Variants in CCDC92 observed in about 807,000 individuals in gnomAD.
CCDC92 encodes coiled-coil domain containing 92, also known as coiled-coil domain-containing protein 92.
CCDC92 carries 12 observed loss-of-function variants against 24.9 expected under a neutral mutation model. That is an observed-to-expected ratio of 0.48 (90% confidence interval 0.31 to 0.78). The LOEUF is 0.78. Ranked by LOEUF, CCDC92 falls within the 30% of genes least tolerant of loss-of-function variation. CCDC92 has a pLI of 0.05. For missense variants in CCDC92, 399 were observed against 439.4 expected (o/e 0.91, Z 0.82); for synonymous variants, 193 against 196.3 (o/e 0.98, Z 0.14).
chr12:123,962,525 CTT>C (rs899189254), intron 1 of CCDC92: 1 of 152,630 alleles, frequency 6.6e-6, no homozygotes, highest in Admixed American at 6.5e-5. Context: ...GGGTTCCTCT[CTT>C]GATACAGAAG....
chr12:123,944,249 T>TC, intron 2 of CCDC92, 23 bp downstream of exon 2: 1 of 1,489,038 alleles, frequency 6.7e-7, no homozygotes, highest in East Asian at 2.3e-5. Context: ...CATCTGATGC[T>TC]CACTCAGGGC....
intron 1 of CCDC92, among the ~76,000 whole-genome samples, chr12:123,956,960 T>C (rs1179604130): frequency 1.3e-5 from 2 of 152,238 alleles, no homozygotes; most frequent in African/African-American, 4.8e-5. Flanking sequence ...CAATCCAGTA[T>C]TTTCTTATTC....
In CCDC92 at chr12:123,937,923, G is replaced by T; in HGVS notation, c.224-93C>A. ...GGGCAGGCGGACCTGTCTGGTGGGG[G>T]CCCTGTCTAGGCTGTGGGGGCCATG... On this transcript the variant is annotated intron_variant, in intron 4 of 4. Coordinates refer to ENST00000238156, the MANE Select transcript of CCDC92 (RefSeq NM_025140.3). The surrounding 1 kb of genome is among the most constrained non-coding windows in gnomAD (Gnocchi z 8.4). 1 of 1,319,492 alleles carries T rather than the reference G, an allele frequency of 7.6e-7. No homozygotes were observed. 81.7% of individuals were successfully genotyped at this position (1,319,492 alleles called of 1,614,324 possible).
intron 1 of CCDC92, among the ~76,000 whole-genome samples, chr12:123,965,809 TG>T (rs974510224): frequency 1.3e-5 from 2 of 152,112 alleles, no homozygotes; most frequent in Non-Finnish European, 1.5e-5. Context: ...AAATCATATG[TG>T]GGTGGCATGC....
intron 1 of CCDC92, among the ~76,000 whole-genome samples, chr12:123,959,201 G>A (rs1395583684): frequency 6.6e-6 from 1 of 152,194 alleles, no homozygotes; most frequent in Non-Finnish European, 1.5e-5. Flanking sequence ...ATTAGGATGT[G>A]GGGGAAGATT....
intron 1 of CCDC92, among the ~76,000 whole-genome samples, chr12:123,952,187 T>C (rs1956043029): frequency 6.6e-6 from 1 of 152,246 alleles, no homozygotes; most frequent in African/African-American, 2.4e-5. Flanking sequence ...CATTGGTCAA[T>C]ACTTCTATAA....
In CCDC92 at chr12:123,949,232, G is replaced by A. The variant is rs998693584; in HGVS notation, c.-59-4868C>T. Among the ~76,000 whole-genome samples the A allele has an allele frequency of 3.3e-5, 5 of 152,240 alleles. No homozygotes were observed. In the East Asian group the frequency reaches 7.7e-4, roughly 23 times the overall value. The stretch of plus-strand genomic sequence containing the variant: ...GAATGGAGGGCAGCTCATCCAGCCC[G>A]TTTGGCAAAACGCTTGCACTTTCTG... On this transcript the variant is annotated intron_variant, in intron 1 of 4. Transcript: ENST00000238156.
chr12:123,961,288 C>T (rs1464399781), intron 1 of CCDC92: 1 of 152,080 alleles, frequency 6.6e-6, no homozygotes, highest in Non-Finnish European at 1.5e-5. Flanking sequence ...TGTTGCCAGA[C>T]ACATGGAGGT....
At chr12:123,953,377 C>G (rs1230152449) in intron 1 of CCDC92, among the ~76,000 whole-genome samples, 1 of 127,136 alleles carries the variant, frequency 7.9e-6, no homozygotes, top group African/African-American at 2.9e-5. Flanking sequence ...TATTTACCGA[C>G]AAGGTAATAT....
intron 1 of CCDC92, among the ~76,000 whole-genome samples, chr12:123,963,198 A>G (rs1328968085): frequency 6.6e-6 from 1 of 152,028 alleles, no homozygotes; most frequent in Admixed American, 6.6e-5. Flanking sequence ...TGGCTGAGAA[A>G]CCCCCAGGGT....
At chr12:123,957,607 A>C (rs1956176793) in intron 1 of CCDC92, among the ~76,000 whole-genome samples, 1 of 152,212 alleles carries the variant, frequency 6.6e-6, no homozygotes, top group Non-Finnish European at 1.5e-5. Flanking sequence ...AGAAGCTGAA[A>C]ATCATTAATC....
chr12:123,967,037 T>TAAG (rs1394126724), intron 1 of CCDC92, among the ~76,000 whole-genome samples: 34 of 152,238 alleles, frequency 2.2e-4, no homozygotes, highest in African/African-American at 7.9e-4. Context: ...CTGAACTGGG[T>TAAG]CCTGATACCA....
At chr12:123,970,200 G>C (rs1290323493) in intron 1 of CCDC92, 1 of 152,228 alleles carries the variant, frequency 6.6e-6, no homozygotes, top group African/African-American at 2.4e-5. Context: ...GGGAAGTACA[G>C]AAGTCCTCGA....
intron 1 of CCDC92, chr12:123,971,895 G>A (rs777302730): frequency 1.6e-5 from 2 of 127,526 alleles, no homozygotes; most frequent in Non-Finnish European, 3.7e-5. Flanking sequence ...GTGTACTTAC[G>A]GAAAGGCTAC....
intron 4 of CCDC92, among the ~76,000 whole-genome samples, chr12:123,938,446 C>T (rs556990490): frequency 1.2e-4 from 19 of 152,172 alleles, no homozygotes; most frequent in African/African-American, 4.6e-4. Context: ...TGCCCCTGCC[C>T]TAACACTTCG....
intron 1 of CCDC92, among the ~76,000 whole-genome samples, chr12:123,955,279 G>A (rs1956123473): frequency 6.6e-6 from 1 of 152,202 alleles, no homozygotes; most frequent in African/African-American, 2.4e-5. Context: ...TTTAATGGAA[G>A]GGGAAGTAAG....
In CCDC92 at chr12:123,937,932, AGGCTGTGGGGGCCATGCAGAAGGCAG is replaced by A. The variant is rs1955572801; in HGVS notation, c.224-128_224-103del. ...GACCTGTCTGGTGGGGGCCCTGTCT[AGGCTGTGGGGGCCATGCAGAAGGCAG>A]GGCTGTGGGGGCTCTGGAAAGACCC... On this transcript the variant is annotated intron_variant, in intron 4 of 4. Coordinates refer to ENST00000238156, the MANE Select transcript of CCDC92 (RefSeq NM_025140.3). The surrounding 1 kb of genome is among the most constrained non-coding windows in gnomAD (Gnocchi z 8.4). 4.1e-6 allele frequency: 5 copies of A among 1,216,774 alleles called. No homozygotes were observed. The highest frequency in any genetic ancestry group is 3.0e-5 in the African/African-American group (2 of 66,262). The allele number at this position is 1,216,774 out of a possible 1,614,324, so 75.4% of individuals were successfully genotyped here. A position where few individuals can be genotyped will look rare whatever the true frequency, so the allele number is the denominator to read the frequency against.
chr12:123,944,492 C>A (rs1955786655), intron 1 of CCDC92, 128 bp from the exon 2 acceptor site: 1 of 542,906 alleles, frequency 1.8e-6, no homozygotes, highest in Non-Finnish European at 3.1e-6. Context: ...TCAATGGCTC[C>A]CAGGACGCAG....
chr12:123,937,799 C>T lies in CCDC92; in HGVS notation c.255G>A (p.Lys85=), dbSNP rs201517947. Residue 85 remains lysine, a synonymous_variant, in exon 5 of 5, where the codon AAG becomes AAA. Coordinates refer to ENST00000238156, the MANE Select transcript of CCDC92 (RefSeq NM_025140.3). This position sits in a 1 kb window ranked among gnomAD's most constrained non-coding sequence, Gnocchi z 8.4. Reference sequence around the variant, plus strand: ...GGGCTTCCAGCTCTTCACATCTTTTCTTTAATTCACTGCTTTTAGAAGTCC... The same window carrying T: ...GGGCTTCCAGCTCTTCACATCTTTTTTTTAATTCACTGCTTTTAGAAGTCC... The part of the protein sequence containing the change: ...GDGTSKSSEL[K]KRCEELEAQL... 1.2e-6 allele frequency: 2 copies of T among 1,611,654 alleles called. No homozygotes were observed. The highest frequency in any genetic ancestry group is 1.3e-5 in the African/African-American group (1 of 74,738).
Sources: allele counts gnomAD v4.1 joint callset (sites outside exome capture counted in the v4.1 genomes callset), GRCh38; gene constraint gnomAD v4.1.1; non-coding constraint Gnocchi (gnomAD v3.1); transcripts MANE v1.5; gene names NCBI Gene and HGNC (gene_info 2026-07-23, HGNC 2026-07-21).